Variants in NRP2 observed in about 807,000 individuals in gnomAD.
NRP2 encodes the protein neuropilin-2.
NRP2 carries 52 observed loss-of-function variants against 110.4 expected under a neutral mutation model. The ratio of observed to expected loss-of-function variants is 0.47; its 90% CI spans 0.38 to 0.59. The LOEUF (loss-of-function observed/expected upper bound fraction) is 0.59. Among genes scored for constraint, NRP2 ranks in the 20% least tolerant of loss-of-function variants. The probability of loss-of-function intolerance (pLI) is 0.00; values close to 1 mark genes in which losing one functional copy is unlikely to be tolerated. For synonymous variants in NRP2, 508 were observed against 468.9 expected, an observed-to-expected ratio of 1.08 and a Z score of -1.08; for missense variants, 1,049 against 1,203.0, an observed-to-expected ratio of 0.87 and a Z score of 1.89.
At chr2:205,776,095 C>G in intron 15 of NRP2, 1 of 811,158 alleles carries the variant, frequency 1.2e-6, no homozygotes, top group Non-Finnish European at 2.2e-6. Context: ...AAGTGCTTGG[C>G]AGGTGCTAAG....
chr2:205,713,327 A>G (rs1036263972), intron 2 of NRP2, among the ~76,000 whole-genome samples: 3 of 152,210 alleles, frequency 2.0e-5, no homozygotes, highest in Non-Finnish European at 4.4e-5. Context: ...TTATTTATTG[A>G]ATGTGGGTCA....
rs367714598 is a variant in NRP2, at chr2:205,794,749, C to A, written c.2477-5C>A. On this transcript the variant is annotated splice_region_variant and splice_polypyrimidine_tract_variant and intron_variant, in intron 16 of 16. Transcript: ENST00000357785. The stretch of plus-strand genomic sequence containing the variant: ...GCAATCTCTCATGAATTTTATGTAT[C>A]GCAGATGAATACGAGGTGGACTGGA... The A allele has an allele frequency of 6.2e-7, 1 of 1,613,984 alleles. No homozygotes were observed. The highest frequency in any genetic ancestry group is 8.5e-7 in the Non-Finnish European group (1 of 1,179,886).
chr2:205,750,337 C>T (rs1466772833), intron 11 of NRP2, among the ~76,000 whole-genome samples: 3 of 152,172 alleles, frequency 2.0e-5, no homozygotes, highest in Admixed American at 6.5e-5. Context: ...GTGTCTTTCA[C>T]CGCCACCAAT....
chr2:205,746,942 G>C (rs952717269), intron 10 of NRP2, among the ~76,000 whole-genome samples: 1 of 152,124 alleles, frequency 6.6e-6, no homozygotes, highest in Non-Finnish European at 1.5e-5. Context: ...CAGCCCCAGC[G>C]AACACATCTT....
rs1284861444 is a variant in NRP2 at position 205,794,810 on chromosome 2, C to A, written c.2533C>A (p.Pro845Thr). 1 of 1,614,056 alleles carries A rather than the reference C, an allele frequency of 6.2e-7. No individual in the cohort carries two copies. The highest frequency in any genetic ancestry group is 1.3e-5 in the African/African-American group (1 of 74,922). The change falls in exon 17 of 17, where the codon CCC (proline) becomes ACC (threonine). Residue 845 changes from proline to threonine, a missense_variant. Pro to Thr is a conservative substitution (Grantham distance 38). Coordinates refer to ENST00000357785, the MANE Select transcript of NRP2 (RefSeq NM_003872.3). ...SSSATSGSGA[P>T]STDKEKSWLY... ...TTCTGCAACCTCAGGGTCTGGCGCC[C>A]CCTCGACCGACAAAGAAAAGAGCTG... is the stretch of plus-strand genomic sequence containing the variant.
chr2:205,778,769 T>C (rs927396081), intron 15 of NRP2: 1 of 152,222 alleles, frequency 6.6e-6, no homozygotes, highest in Non-Finnish European at 1.5e-5. Flanking sequence ...TCTATATCTT[T>C]ATCTGATGCC....
chr2:205,764,260 C>A, intron 13 of NRP2: 1 of 364,950 alleles, frequency 2.7e-6, no homozygotes, highest in Non-Finnish European at 5.1e-6. Flanking sequence ...AACAAACCCT[C>A]CACACACAAG....
intron 1 of NRP2, among the ~76,000 whole-genome samples, chr2:205,697,073 A>G (rs1045480568): frequency 1.3e-5 from 2 of 152,064 alleles, no homozygotes; most frequent in Non-Finnish European, 2.9e-5. Context: ...CAAAACCACC[A>G]TTGTCAGTTC....
In NRP2 at chr2:205,722,463, C is replaced by G. The variant is rs1002011017; in HGVS notation, c.434-15C>G. 6.2e-7 allele frequency: 1 copy of G among 1,600,046 alleles called. No individual in the cohort carries two copies. Among genetic ancestry groups the G allele is most frequent in the African/African-American group, 1.3e-5 (1 of 74,656 alleles). On this transcript the variant is annotated splice_polypyrimidine_tract_variant and intron_variant, in intron 3 of 16. Coordinates refer to ENST00000357785, the MANE Select transcript of NRP2 (RefSeq NM_003872.3). ...GCATCTTCTTCTTAGTGCTACAGTT[C>G]TCTTTTACATACAGGCTCTGAAGAT... is the stretch of plus-strand genomic sequence containing the variant.
intron 11 of NRP2, among the ~76,000 whole-genome samples, chr2:205,751,925 C>T (rs752800871): frequency 1.3e-5 from 2 of 152,208 alleles, no homozygotes; most frequent in Admixed American, 6.5e-5. Flanking sequence ...TCTTTCCCCA[C>T]GTCCACACCA....
At chr2:205,726,421 G>A (rs1320345406) in intron 6 of NRP2, among the ~76,000 whole-genome samples, 1 of 152,148 alleles carries the variant, frequency 6.6e-6, no homozygotes, top group Non-Finnish European at 1.5e-5. Context: ...GGAGGCATCA[G>A]GGACATGGGG....
chr2:205,769,505 T>TACACACACACACACACACAC (rs56837273), intron 15 of NRP2, among the ~76,000 whole-genome samples: 13 of 145,092 alleles, frequency 9.0e-5, no homozygotes, highest in African/African-American at 2.5e-4. Context: ...TATACATACA[T>TACACACACACACACACACAC]ACACACACAC....
chr2:205,714,079 C>A (rs1209813914), intron 2 of NRP2, among the ~76,000 whole-genome samples: 1 of 152,096 alleles, frequency 6.6e-6, no homozygotes, highest in African/African-American at 2.4e-5. Context: ...TGTGAAAATA[C>A]AACAAATCAC....
chr2:205,717,374 C>A (rs968468473), intron 3 of NRP2, among the ~76,000 whole-genome samples: 1 of 152,142 alleles, frequency 6.6e-6, no homozygotes, highest in South Asian at 2.1e-4. Context: ...CCAAGACCGG[C>A]GCCTGTTGAG....
chr2:205,763,137 A>G lies in NRP2; in HGVS notation c.2045-537A>G, dbSNP rs190210765. ...GCATCATCTAGGAGCACTGATGGAG[A>G]CAGAAGGTTTTAAATGTCAGCCATT... is the stretch of plus-strand genomic sequence containing the variant. On this transcript the variant is annotated intron_variant, in intron 12 of 16. Coordinates refer to ENST00000357785, the MANE Select transcript of NRP2 (RefSeq NM_003872.3). The surrounding 1 kb of genome is among the most constrained non-coding windows in gnomAD (Gnocchi z 4.0). 6.6e-6 allele frequency among the ~76,000 whole-genome samples: 1 copy of G among 152,104 alleles called. No individual in the cohort carries two copies. Among genetic ancestry groups the G allele is most frequent in the Non-Finnish European group, 1.5e-5 (1 of 68,022 alleles).
Position 205,722,539 on chromosome 2 carries a change from T to C in NRP2, c.495T>C (p.Phe165=). The C allele has an allele frequency of 6.2e-7, 1 of 1,614,220 alleles. No individual in the cohort carries two copies. Among genetic ancestry groups the C allele is most frequent in the Non-Finnish European group, 8.5e-7 (1 of 1,180,044 alleles). Residue 165 remains phenylalanine (F), a synonymous_variant, in exon 4 of 17, where the codon TTT becomes TTC. Transcript: ENST00000357785. ...SPNGTIESPG[F]PEKYPHNLDC... Reference sequence around the variant, plus strand: ...ACGGGACCATCGAATCTCCTGGGTTTCCTGAGAAGTATCCACACAACTTGG... The same window carrying C: ...ACGGGACCATCGAATCTCCTGGGTTCCCTGAGAAGTATCCACACAACTTGG...
intron 13 of NRP2, 93 bp from the exon 14 acceptor site, chr2:205,765,381 C>A: frequency 2.0e-6 from 2 of 1,023,754 alleles, no homozygotes; most frequent in Non-Finnish European, 3.1e-6. Flanking sequence ...CACACACACG[C>A]TTTAAGCTGC....
intron 15 of NRP2, 48 bp from the exon 16 acceptor site, chr2:205,792,187 G>A: frequency 7.7e-7 from 1 of 1,303,704 alleles, no homozygotes; most frequent in Non-Finnish European, 1.1e-6. Flanking sequence ...TTTTAGCCAT[G>A]GTGATAGAAC....
intron 15 of NRP2, chr2:205,776,607 G>A (rs1468231580): frequency 3.1e-6 from 5 of 1,597,706 alleles, no homozygotes; most frequent in East Asian, 4.5e-5. Context: ...TTTTCTCCTC[G>A]CCTAGTTTCT....
Sources: allele counts gnomAD v4.1 joint callset (sites outside exome capture counted in the v4.1 genomes callset), GRCh38; gene constraint gnomAD v4.1.1; non-coding constraint Gnocchi (gnomAD v3.1); transcripts MANE v1.5; gene names NCBI Gene and HGNC (gene_info 2026-07-23, HGNC 2026-07-21).